CNTNAP2: variants seen among roughly 807,000 people sequenced by gnomAD.
CNTNAP2 encodes the protein contactin associated protein 2.
CNTNAP2 carries 98 observed loss-of-function variants against 155.2 expected under a neutral mutation model. That is an observed-to-expected ratio of 0.63 (90% confidence interval 0.54 to 0.75). CNTNAP2 has a LOEUF of 0.75. CNTNAP2 is among the 30% of genes least tolerant of loss of function. The pLI, the probability that CNTNAP2 is intolerant of heterozygous loss-of-function variation, is 0.00. For missense variants in CNTNAP2, 1,727 were observed against 1,688.1 expected, an observed-to-expected ratio of 1.02 and a Z score of -0.40; for synonymous variants, 651 against 631.2, an observed-to-expected ratio of 1.03 and a Z score of -0.47.
intron 21 of CNTNAP2, among the ~76,000 whole-genome samples, chr7:148,306,306 CTCTT>C (rs1177441053): frequency 6.6e-6 from 1 of 152,094 alleles, no homozygotes; most frequent in Non-Finnish European, 1.5e-5. Flanking sequence ...TCTATTTTGA[CTCTT>C]TCTGTTGGAA....
At chr7:146,482,369 G>A (rs1481817046) in intron 1 of CNTNAP2, among the ~76,000 whole-genome samples, 1 of 150,262 alleles carries the variant, frequency 6.7e-6, no homozygotes, top group Non-Finnish European at 1.5e-5. Context: ...AATGCATATA[G>A]AGGGATATAT....
chr7:148,386,505 CAAAACAAAACAAA>C lies in CNTNAP2; in HGVS notation c.3715+2625_3715+2637del, dbSNP rs372064168. 3.8e-3 allele frequency among the ~76,000 whole-genome samples: 570 copies of C among 151,080 alleles called. 2 individuals carry two copies. The highest frequency in any genetic ancestry group is 6.9e-3 in the Non-Finnish European group (466 of 67,816). Reference sequence around the variant, plus strand: ...ATGGTGCCACTGCAAGACTCTGTCTCAAAACAAAACAAAAAAACAACAGAAAACAGTTTACAAA... The same window carrying C: ...ATGGTGCCACTGCAAGACTCTGTCTCAAAACAACAGAAAACAGTTTACAAA... On this transcript the variant is annotated intron_variant, in intron 22 of 23. Coordinates refer to ENST00000361727, the MANE Select transcript of CNTNAP2 (RefSeq NM_014141.6).
intron 2 of CNTNAP2, among the ~76,000 whole-genome samples, chr7:146,818,312 G>A (rs1803213818): frequency 6.6e-6 from 1 of 152,078 alleles, no homozygotes; most frequent in African/African-American, 2.4e-5. Flanking sequence ...TAAACTAGTG[G>A]CACTTCATTA....
rs376639340 is a variant in CNTNAP2 at position 146,933,104 on chromosome 7, C to T, written c.402+93200C>T. The stretch of plus-strand genomic sequence containing the variant: ...AAAAACTACTTTAAAGTTCATATGG[C>T]ACCAAAAAAGAGCCCGCATCGCCAA... On this transcript the variant is annotated intron_variant, in intron 3 of 23. Transcript: ENST00000361727. Among the ~76,000 whole-genome samples the T allele has an allele frequency of 3.0e-4, 45 of 152,022 alleles. No homozygotes were observed. The South Asian group carries it at 7.9e-3, about 27-fold the overall frequency.
At chr7:146,448,124 C>G (rs1279823473) in intron 1 of CNTNAP2, among the ~76,000 whole-genome samples, 1 of 151,970 alleles carries the variant, frequency 6.6e-6, no homozygotes, top group Non-Finnish European at 1.5e-5. Flanking sequence ...GTTAATGCTA[C>G]CAACACCAAT....
intron 11 of CNTNAP2, among the ~76,000 whole-genome samples, chr7:147,495,831 C>G (rs1317948209): frequency 6.6e-6 from 1 of 152,142 alleles, no homozygotes; most frequent in Non-Finnish European, 1.5e-5. Flanking sequence ...CTTTTAGGAA[C>G]TGGGCCACAT....
In CNTNAP2 at chr7:146,363,650, A is replaced by G. The variant is rs991409343; in HGVS notation, c.97+246677A>G. Among the ~76,000 whole-genome samples the G allele has an allele frequency of 2.0e-5, 3 of 152,184 alleles. No homozygotes were observed. In the South Asian group the frequency reaches 6.2e-4, roughly 32 times the overall value. ...GTCAATGCTGCGGAGAGTTGAACCAAATGACACGAGAATATTTGCTAGATT... is the reference window on the plus strand; with the variant it reads ...GTCAATGCTGCGGAGAGTTGAACCAGATGACACGAGAATATTTGCTAGATT... On this transcript the variant is annotated intron_variant, in intron 1 of 23. Transcript: ENST00000361727.
chr7:147,134,862 T>C (rs941727684), intron 8 of CNTNAP2, among the ~76,000 whole-genome samples: 6 of 151,906 alleles, frequency 3.9e-5, no homozygotes, highest in Non-Finnish European at 7.4e-5. Flanking sequence ...CTTCTCCTTT[T>C]GTCAAATATT....
intron 21 of CNTNAP2, among the ~76,000 whole-genome samples, chr7:148,371,773 C>T (rs1798889424): frequency 1.3e-5 from 2 of 152,216 alleles, no homozygotes; most frequent in Non-Finnish European, 2.9e-5. Flanking sequence ...CACACCCAGG[C>T]TCTGTGCTAC....
In CNTNAP2 at chr7:146,839,716, G is replaced by A; in HGVS notation, c.214G>A (p.Gly72Arg). ...TTACCTCTGCCCATCTTCAGGTGCTGGGGGATGGTCTCCATCAGACAGCGA... is the reference window on the plus strand; with the variant it reads ...TTACCTCTGCCCATCTTCAGGTGCTAGGGGATGGTCTCCATCAGACAGCGA... ...YAKINKRGGA[G>R]GWSPSDSDHY... The change falls in exon 3 of 24, where the codon GGG (glycine) becomes AGG (arginine). Residue 72 changes from glycine (G) to arginine (R), a missense_variant. Coordinates refer to ENST00000361727, the MANE Select transcript of CNTNAP2 (RefSeq NM_014141.6). 6.2e-7 allele frequency: 1 copy of A among 1,614,106 alleles called. No individual in the cohort carries two copies. Among genetic ancestry groups the A allele is most frequent in the Non-Finnish European group, 8.5e-7 (1 of 1,179,998 alleles).
intron 3 of CNTNAP2, among the ~76,000 whole-genome samples, chr7:146,884,549 T>G (rs1003413092): frequency 3.3e-5 from 5 of 152,142 alleles, no homozygotes; most frequent in Non-Finnish European, 7.4e-5. Flanking sequence ...GGTTAGATGC[T>G]GTTCTAAGCA....
intron 1 of CNTNAP2, among the ~76,000 whole-genome samples, chr7:146,127,763 T>C (rs1400225682): frequency 1.6e-4 from 25 of 152,176 alleles, no homozygotes; most frequent in Non-Finnish European, 1.5e-5. Context: ...TAACAAGTAC[T>C]TTAAATAGAG....
intron 1 of CNTNAP2, among the ~76,000 whole-genome samples, chr7:146,605,827 T>C (rs746902718): frequency 6.6e-6 from 1 of 152,182 alleles, no homozygotes; most frequent in African/African-American, 2.4e-5. Flanking sequence ...GATGATTATC[T>C]GTCTCGAATG....
chr7:147,693,055 A>G (rs1028422644), intron 13 of CNTNAP2, among the ~76,000 whole-genome samples: 2 of 151,932 alleles, frequency 1.3e-5, no homozygotes, highest in African/African-American at 4.8e-5. Context: ...TTATTTAGTT[A>G]GTTAGTTATT....
intron 1 of CNTNAP2, among the ~76,000 whole-genome samples, chr7:146,422,971 G>A (rs1358410221): frequency 2.0e-5 from 3 of 152,130 alleles, no homozygotes; most frequent in African/African-American, 7.2e-5. Context: ...TCAGCTCTCT[G>A]TATTTTCTGT....
At chr7:146,333,143 C>T (rs1372910955) in intron 1 of CNTNAP2, among the ~76,000 whole-genome samples, 1 of 151,942 alleles carries the variant, frequency 6.6e-6, no homozygotes, top group East Asian at 1.9e-4. Flanking sequence ...TGGGGTTTCA[C>T]CATGTTGGCC....
At chr7:146,501,587 C>G (rs1389287772) in intron 1 of CNTNAP2, among the ~76,000 whole-genome samples, 1 of 151,786 alleles carries the variant, frequency 6.6e-6, no homozygotes, top group South Asian at 2.1e-4. Flanking sequence ...CTGTTAATTT[C>G]TCCTTTTCAA....
At chr7:147,632,727 G>A (rs1347031290) in intron 12 of CNTNAP2, among the ~76,000 whole-genome samples, 1 of 152,208 alleles carries the variant, frequency 6.6e-6, no homozygotes, top group African/African-American at 2.4e-5. Flanking sequence ...CTGGGTAACA[G>A]GAAGAGACTG....
At chr7:146,322,438 A>G (rs1466515731) in intron 1 of CNTNAP2, among the ~76,000 whole-genome samples, 1 of 152,084 alleles carries the variant, frequency 6.6e-6, no homozygotes, top group Non-Finnish European at 1.5e-5. Context: ...TTTCACTGGA[A>G]ACGTAGCAGT....
Sources: allele counts gnomAD v4.1 joint callset (sites outside exome capture counted in the v4.1 genomes callset), GRCh38; gene constraint gnomAD v4.1.1; transcripts MANE v1.5; gene names NCBI Gene and HGNC (gene_info 2026-07-23, HGNC 2026-07-21).